Variants in NCOA2 observed in about 807,000 individuals in gnomAD.
NCOA2 encodes the protein class E basic helix-loop-helix protein 75.
NCOA2 carries 21 observed loss-of-function variants against 145.1 expected under a neutral mutation model. That is an observed-to-expected ratio of 0.14 (90% CI 0.10 to 0.21). The LOEUF is 0.21. Among genes scored for constraint, NCOA2 ranks in the 10% least tolerant of loss-of-function variants. The probability of loss-of-function intolerance (pLI) is 1.00; values close to 1 mark genes in which losing one functional copy is unlikely to be tolerated. For missense variants in NCOA2, 1,472 were observed against 1,837.6 expected (o/e 0.80, Z 3.64); for synonymous variants, 619 against 637.5 (o/e 0.97, Z 0.44).
intron 1 of NCOA2, among the ~76,000 whole-genome samples, chr8:70,375,596 A>G (rs1479050961): frequency 6.6e-6 from 1 of 152,206 alleles, no homozygotes; most frequent in African/African-American, 2.4e-5. Flanking sequence ...TACACATCTC[A>G]GGTCACTGTA....
intron 4 of NCOA2, among the ~76,000 whole-genome samples, chr8:70,188,536 A>G (rs1314081465): frequency 6.6e-6 from 1 of 152,246 alleles, no homozygotes; most frequent in Non-Finnish European, 1.5e-5. Flanking sequence ...AAAGGCAGGA[A>G]GTAATAATAT....
At chr8:70,299,723 G>A (rs1268920240) in intron 1 of NCOA2, among the ~76,000 whole-genome samples, 2 of 152,170 alleles carry the variant, frequency 1.3e-5, no homozygotes. Context: ...AAATGCAATA[G>A]TACAGTCATT....
At chr8:70,171,594 T>G (rs756079547) in intron 5 of NCOA2, among the ~76,000 whole-genome samples, 1 of 152,228 alleles carries the variant, frequency 6.6e-6, no homozygotes, top group African/African-American at 2.4e-5. Flanking sequence ...CTGAAAGCTT[T>G]ACATTGATTC....
At chr8:70,172,857 G>T (rs1814406568) in intron 5 of NCOA2, among the ~76,000 whole-genome samples, 1 of 151,888 alleles carries the variant, frequency 6.6e-6, no homozygotes, top group South Asian at 2.1e-4. Context: ...ATAAAGCTGT[G>T]TTTTTTTTAA....
intron 1 of NCOA2, among the ~76,000 whole-genome samples, chr8:70,389,197 A>AGT (rs1343899745): frequency 1.7e-4 from 26 of 152,242 alleles, no homozygotes; most frequent in Non-Finnish European, 3.5e-4. Flanking sequence ...CAACTGACCC[A>AGT]AGCTACTATC....
At chr8:70,261,344 C>T (rs1008112275) in intron 2 of NCOA2, among the ~76,000 whole-genome samples, 1 of 151,888 alleles carries the variant, frequency 6.6e-6, no homozygotes, top group Non-Finnish European at 1.5e-5. Context: ...AGTAAACTAT[C>T]GCAGGAACAA....
intron 22 of NCOA2, among the ~76,000 whole-genome samples, chr8:70,119,669 T>C (rs941349488): frequency 6.6e-6 from 1 of 152,232 alleles, no homozygotes; most frequent in Non-Finnish European, 1.5e-5. Flanking sequence ...CAACAGTGTA[T>C]GAGAGTTCCC....
intron 4 of NCOA2, among the ~76,000 whole-genome samples, chr8:70,205,197 G>A (rs1050464251): frequency 1.3e-5 from 2 of 151,942 alleles, no homozygotes; most frequent in African/African-American, 4.8e-5. Flanking sequence ...AGATTAGAAA[G>A]TGTTTTGTGA....
intron 18 of NCOA2, among the ~76,000 whole-genome samples, chr8:70,127,699 T>G (rs1808595621): frequency 6.6e-6 from 1 of 152,186 alleles, no homozygotes; most frequent in Non-Finnish European, 1.5e-5. Context: ...TCAGTAAAAT[T>G]TATTTGTAAC....
At chr8:70,235,067 AAAC>A (rs1470350607) in intron 2 of NCOA2, among the ~76,000 whole-genome samples, 3 of 152,238 alleles carry the variant, frequency 2.0e-5, no homozygotes, top group East Asian at 3.9e-4. Context: ...CTAAAGGTGA[AAAC>A]AACCCAAATG....
intron 2 of NCOA2, among the ~76,000 whole-genome samples, chr8:70,218,289 T>C (rs528168369): frequency 6.6e-6 from 1 of 151,172 alleles, no homozygotes; most frequent in African/African-American, 2.4e-5. Context: ...TGGTACACAT[T>C]TGATTCAAGA....
chr8:70,364,023 C>A (rs1159443598), intron 1 of NCOA2, among the ~76,000 whole-genome samples: 4 of 149,548 alleles, frequency 2.7e-5, no homozygotes, highest in Middle Eastern at 3.4e-3. Flanking sequence ...AAAAAAAAAA[C>A]CCACAAATAA....
At chr8:70,180,438 A>G (rs546044492) in intron 4 of NCOA2, among the ~76,000 whole-genome samples, 1 of 152,304 alleles carries the variant, frequency 6.6e-6, no homozygotes, top group African/African-American at 2.4e-5. Context: ...AGCGAAGAAC[A>G]AAACCCCATC....
chr8:70,243,807 AAG>A (rs1172684762), intron 2 of NCOA2, among the ~76,000 whole-genome samples: 121 of 151,458 alleles, frequency 8.0e-4, no homozygotes, highest in Admixed American at 2.6e-3. Flanking sequence ...AAAAAAAAAA[AAG>A]AATGTGGGAG....
chr8:70,171,253 A>G (rs907794049), intron 5 of NCOA2, among the ~76,000 whole-genome samples: 2 of 152,204 alleles, frequency 1.3e-5, no homozygotes, highest in Non-Finnish European at 2.9e-5. Context: ...ACTGTGCCTT[A>G]CAAGTACCTC....
At chr8:70,381,952 A>G (rs1217595017) in intron 1 of NCOA2, among the ~76,000 whole-genome samples, 1 of 152,180 alleles carries the variant, frequency 6.6e-6, no homozygotes, top group South Asian at 2.1e-4. Context: ...CTTTTAAAGA[A>G]TATGTTTTAG....
rs150947123 is a variant in NCOA2, at chr8:70,180,859, A to T, written c.260-6000T>A. ...GTTGCTGAGATTATTGGCAAATGCC[A>T]CCATGCTCAGCTCCATGCATAAACT... On this transcript the variant is annotated intron_variant, in intron 4 of 22. Transcript: ENST00000452400. 2.1e-4 allele frequency among the ~76,000 whole-genome samples: 32 copies of T among 152,364 alleles called. 1 individual carries two copies. The East Asian group carries it at 3.7e-3, about 17-fold the overall frequency.
chr8:70,404,734 C>T (rs974777326), upstream of NCOA2, among the ~76,000 whole-genome samples: 5 of 152,156 alleles, frequency 3.3e-5, no homozygotes, highest in African/African-American at 9.7e-5. Flanking sequence ...AGTCCATTCT[C>T]TAGACATCCG....
intron 4 of NCOA2, among the ~76,000 whole-genome samples, chr8:70,178,303 T>C (rs1241048310): frequency 6.6e-6 from 1 of 152,212 alleles, no homozygotes; most frequent in Non-Finnish European, 1.5e-5. Context: ...GGGAGATGAT[T>C]TGGATCTCAC....
Sources: gnomAD v4.1 joint callset for allele counts (sites outside exome capture counted in the v4.1 genomes callset) on GRCh38, gnomAD v4.1.1 for gene constraint, MANE v1.5 for transcripts, NCBI Gene and HGNC (gene_info 2026-07-23, HGNC 2026-07-21) for gene names.